Variants in PALD1 observed in about 807,000 individuals in gnomAD.
PALD1 encodes the protein phosphatase domain containing paladin 1, also known as paladin.
In PALD1, 57 loss-of-function variants were observed where a neutral mutation model predicts 96.0. The ratio of observed to expected loss-of-function variants is 0.59; its 90% CI spans 0.48 to 0.74. The LOEUF (loss-of-function observed/expected upper bound fraction) is 0.74, where lower values mean the gene tolerates loss of function less well. PALD1 is among the 30% of genes least tolerant of loss of function. The probability of loss-of-function intolerance (pLI) is 0.00; values close to 1 mark genes in which losing one functional copy is unlikely to be tolerated. For synonymous variants in PALD1, 464 were observed against 473.6 expected (o/e 0.98, Z 0.26); for missense variants, 1,063 against 1,143.7 (o/e 0.93, Z 1.02).
rs1374922782 is a variant in PALD1, at chr10:70,566,752, C to G, written c.*19C>G. 6.5e-7 allele frequency: 1 copy of G among 1,538,640 alleles called. No homozygotes were observed. The highest frequency in any genetic ancestry group is 8.8e-7 in the Non-Finnish European group (1 of 1,133,516). On this transcript the variant is annotated 3_prime_UTR_variant, in exon 20 of 20. Transcript: ENST00000263563. ...GCTGTAGGGGGCCTTACTCCCTGTC[C>G]CCCCACCCACAGGGCCCCACGCAGG...
chr10:70,459,761 A>G, the PALD1 span, among the ~76,000 whole-genome samples: 1 of 152,132 alleles, frequency 6.6e-6, no homozygotes, highest in Admixed American at 6.5e-5. Flanking sequence ...AGTGGAAGGA[A>G]CAGAGGCTGG....
intron 18 of PALD1, among the ~76,000 whole-genome samples, chr10:70,556,785 C>G (rs1847621734): frequency 6.6e-6 from 1 of 152,172 alleles, no homozygotes; most frequent in East Asian, 1.9e-4. Context: ...GGGGATTAAT[C>G]TCAACTCCAG....
intron 19 of PALD1, 96 bp from the exon 20 acceptor site, chr10:70,566,485 A>G (rs1310319188): frequency 1.1e-6 from 1 of 912,852 alleles, no homozygotes; most frequent in Non-Finnish European, 1.7e-6. Context: ...TCAGGTCACC[A>G]AGTTCACAGG....
chr10:70,461,906 C>T, the PALD1 span, among the ~76,000 whole-genome samples: 1 of 152,200 alleles, frequency 6.6e-6, no homozygotes, highest in African/African-American at 2.4e-5. Flanking sequence ...CATCCTCCCA[C>T]CTCAGGCTCC....
chr10:70,538,229 C>T (rs1305102666), intron 11 of PALD1, 51 bp from the exon 12 acceptor site: 6 of 1,591,366 alleles, frequency 3.8e-6, no homozygotes, highest in Non-Finnish European at 5.1e-6. Flanking sequence ...AGGGAGGGTT[C>T]AGGATGGCCC....
chr10:70,504,494 G>C (rs1328021910), intron 1 of PALD1, among the ~76,000 whole-genome samples: 1 of 152,258 alleles, frequency 6.6e-6, no homozygotes, highest in Non-Finnish European at 1.5e-5. Flanking sequence ...CTGCACTCCA[G>C]CCTGGGTGAC....
rs564716586 is a variant in PALD1 at position 70,534,589 on chromosome 10, G to A, written c.1122+65G>A. ...GAGGGGACGGTCACTCCTCTCACTG[G>A]TCGGGGCTCTCTTCCTTCCCGATAC... On this transcript the variant is annotated intron_variant, in intron 9 of 19. Coordinates refer to ENST00000263563, the MANE Select transcript of PALD1 (RefSeq NM_014431.3). 5.5e-6 allele frequency: 7 copies of A among 1,269,846 alleles called. No homozygotes were observed. In the South Asian group the frequency reaches 8.8e-5, roughly 16 times the overall value. 78.7% of individuals were successfully genotyped at this position (1,269,846 alleles called of 1,614,324 possible).
Position 70,532,659 on chromosome 10 carries a change from T to G in PALD1, c.672T>G (p.His224Gln). 2 of 1,614,172 alleles carry G rather than the reference T, an allele frequency of 1.2e-6. No individual in the cohort carries two copies. The highest frequency in any genetic ancestry group is 1.7e-6 in the Non-Finnish European group (2 of 1,180,016). The change falls in exon 6 of 20, where the codon CAT (histidine) becomes CAG (glutamine). Residue 224 changes from histidine (H) to glutamine (Q), a missense_variant. By Grantham distance (24) the His-to-Gln change is conservative (BLOSUM62 0). Transcript: ENST00000263563. ...DFAQLSENTYHVYHNTEDLWG... is the reference protein window; with the variant it reads ...DFAQLSENTYQVYHNTEDLWG... The stretch of plus-strand genomic sequence containing the variant: ...CCCAGCTGAGCGAGAACACATACCA[T>G]GTGTACCATAACACCGAGGACCTGT...
At chr10:70,494,682 G>A (rs932266203) in intron 1 of PALD1, among the ~76,000 whole-genome samples, 3 of 152,220 alleles carry the variant, frequency 2.0e-5, no homozygotes, top group Non-Finnish European at 4.4e-5. Flanking sequence ...GCCTGTTCCC[G>A]TGGGCGGGGG....
At chr10:70,469,504 G>A in the PALD1 span, among the ~76,000 whole-genome samples, 2 of 152,184 alleles carry the variant, frequency 1.3e-5, no homozygotes, top group African/African-American at 4.8e-5. Context: ...TGCATTGAAT[G>A]CATTATGCTT....
At chr10:70,495,980 C>G (rs539817044) in intron 1 of PALD1, among the ~76,000 whole-genome samples, 1 of 152,104 alleles carries the variant, frequency 6.6e-6, no homozygotes, top group Admixed American at 6.5e-5. Flanking sequence ...CACTGTACTC[C>G]AGCCTGGGCA....
chr10:70,501,770 C>T (rs1038375992), intron 1 of PALD1, among the ~76,000 whole-genome samples: 1 of 150,322 alleles, frequency 6.7e-6, no homozygotes, highest in East Asian at 2.0e-4. Context: ...AAGTACGGTT[C>T]ACCATTGATG....
intron 1 of PALD1, among the ~76,000 whole-genome samples, chr10:70,489,696 A>G (rs1361557267): frequency 6.6e-6 from 1 of 152,178 alleles, no homozygotes; most frequent in Non-Finnish European, 1.5e-5. Flanking sequence ...CACATGCTGT[A>G]CAATTCACTC....
At chr10:70,480,002 A>T (rs995363343) in intron 1 of PALD1, among the ~76,000 whole-genome samples, 6 of 152,260 alleles carry the variant, frequency 3.9e-5, no homozygotes, top group African/African-American at 1.4e-4. Context: ...CCAAGAGGCT[A>T]CACACCATTA....
At chr10:70,557,414 AG>A (rs1246397962) in intron 18 of PALD1, among the ~76,000 whole-genome samples, 1 of 152,192 alleles carries the variant, frequency 6.6e-6, no homozygotes, top group Admixed American at 6.5e-5. Flanking sequence ...CCTGGCCTAG[AG>A]GTGCTGCTGA....
upstream of PALD1, among the ~76,000 whole-genome samples, chr10:70,473,901 C>A (rs1049516481): frequency 1.8e-5 from 2 of 112,778 alleles, no homozygotes; most frequent in Admixed American, 8.8e-5. Context: ...ACCCCCCCCC[C>A]CTCAGCCTCC....
chr10:70,524,342 G>A (rs1484165212), intron 1 of PALD1, among the ~76,000 whole-genome samples: 1 of 152,062 alleles, frequency 6.6e-6, no homozygotes, highest in South Asian at 2.1e-4. Flanking sequence ...CCTGTCTGTC[G>A]CCCTCTGTCC....
chr10:70,473,345 A>G, the PALD1 span, among the ~76,000 whole-genome samples: 3 of 152,160 alleles, frequency 2.0e-5, no homozygotes, highest in Admixed American at 1.3e-4. Flanking sequence ...CTGTGTCCTG[A>G]GCCCAGAGTC....
At chr10:70,472,952 G>A in the PALD1 span, among the ~76,000 whole-genome samples, 21 of 152,146 alleles carry the variant, frequency 1.4e-4, no homozygotes, top group East Asian at 3.8e-4. Context: ...CTCAAAACTC[G>A]TCAAGGTAGG....
Sources: allele counts gnomAD v4.1 joint callset (sites outside exome capture counted in the v4.1 genomes callset), GRCh38; gene constraint gnomAD v4.1.1; transcripts MANE v1.5; gene names NCBI Gene and HGNC (gene_info 2026-07-23, HGNC 2026-07-21).